Variants in AGPAT4 observed in about 807,000 individuals in gnomAD.
The protein encoded by AGPAT4 is 1-acyl-sn-glycerol-3-phosphate acyltransferase delta.
A neutral mutation model predicts 48.0 loss-of-function variants in AGPAT4; 15 were observed. The ratio of observed to expected loss-of-function variants is 0.31; its 90% confidence interval spans 0.21 to 0.48. AGPAT4 has a LOEUF of 0.48. AGPAT4 is among the 20% of genes least tolerant of loss of function. AGPAT4 has a pLI of 0.99. For missense variants in AGPAT4, 314 were observed against 482.5 expected, an observed-to-expected ratio of 0.65 and a Z score of 3.27; for synonymous variants, 178 against 198.7, an observed-to-expected ratio of 0.90 and a Z score of 0.88.
rs1162888264 is a variant in AGPAT4 at position 161,200,934 on chromosome 6, C to A, written c.178+31102G>T. The stretch of plus-strand genomic sequence containing the variant: ...CATTTTGGCTGGAGCTAAAACAACA[C>A]ATTTCAGCCTGGGGTCACTGCAAAG... On this transcript the variant is annotated intron_variant, in intron 2 of 8. Coordinates refer to ENST00000320285, the MANE Select transcript of AGPAT4 (RefSeq NM_020133.3). The surrounding 1 kb of genome is among the most constrained non-coding windows in gnomAD (Gnocchi z 5.5). 1.3e-5 allele frequency among the ~76,000 whole-genome samples: 2 copies of A among 152,200 alleles called. No homozygotes were observed. Among genetic ancestry groups the A allele is most frequent in the Non-Finnish European group, 2.9e-5 (2 of 68,040 alleles).
At position 161,254,625 on chromosome 6, in the gene AGPAT4, T is replaced by C. The variant is rs965200392; in HGVS notation, c.-90+19313A>G. Among the ~76,000 whole-genome samples the C allele has an allele frequency of 1.3e-5, 2 of 152,194 alleles. No individual in the cohort carries two copies. Among genetic ancestry groups the C allele is most frequent in the African/African-American group, 2.4e-5 (1 of 41,460 alleles). On this transcript the variant is annotated intron_variant, in intron 1 of 8. Coordinates refer to ENST00000320285, the MANE Select transcript of AGPAT4 (RefSeq NM_020133.3). The surrounding 1 kb of genome is among the most constrained non-coding windows in gnomAD (Gnocchi z 5.9). ...GGGAAATCGAGGAGAAAATGCCTTC[T>C]TACAAACCCTCCAGCTTCCATTCCA...
chr6:161,200,741 A>C lies in AGPAT4; in HGVS notation c.178+31295T>G, dbSNP rs1467280483. On this transcript the variant is annotated intron_variant, in intron 2 of 8. Transcript: ENST00000320285. The surrounding 1 kb of genome is among the most constrained non-coding windows in gnomAD (Gnocchi z 5.5). ...CATATTGGAATTCAAATGAGGCTCC[A>C]TCTGTTCCTGAAGCCATACGGTCCA... 6.6e-6 allele frequency among the ~76,000 whole-genome samples: 1 copy of C among 152,220 alleles called. No individual in the cohort carries two copies. Among genetic ancestry groups the C allele is most frequent in the East Asian group, 1.9e-4 (1 of 5,196 alleles).
chr6:161,237,766 G>A (rs995479463), intron 1 of AGPAT4, among the ~76,000 whole-genome samples: 22 of 151,964 alleles, frequency 1.4e-4, no homozygotes, highest in Non-Finnish European at 2.1e-4. Flanking sequence ...TTTTTACGAC[G>A]AGAATGAAAT....
chr6:161,270,944 G>A lies in AGPAT4; in HGVS notation c.-90+2994C>T, dbSNP rs568624789. ...GCAGGAATTATGAAGATGACATTCCGGGTAAGTTCCTGGTTGCGTCTTCCC... is the reference window on the plus strand; with the variant it reads ...GCAGGAATTATGAAGATGACATTCCAGGTAAGTTCCTGGTTGCGTCTTCCC... On this transcript the variant is annotated intron_variant, in intron 1 of 8. Coordinates refer to ENST00000320285, the MANE Select transcript of AGPAT4 (RefSeq NM_020133.3). This position sits in a 1 kb window ranked among gnomAD's most constrained non-coding sequence, Gnocchi z 5.3. Among the ~76,000 whole-genome samples the A allele has an allele frequency of 2.0e-5, 3 of 152,238 alleles. No homozygotes were observed. Among genetic ancestry groups the A allele is most frequent in the East Asian group, 1.9e-4 (1 of 5,176 alleles).
At chr6:161,203,940 C>CTTTATG (rs1197310960) in intron 2 of AGPAT4, among the ~76,000 whole-genome samples, 1 of 152,154 alleles carries the variant, frequency 6.6e-6, no homozygotes, top group Non-Finnish European at 1.5e-5. Context: ...ATCAGGGACT[C>CTTTATG]TTTATGATGC....
rs982964347 is a variant in AGPAT4 at position 161,131,625 on chromosome 6, C to G, written c.*4915G>C. The G allele has an allele frequency of 6.6e-6, 1 of 152,192 alleles. No homozygotes were observed. Among genetic ancestry groups the G allele is most frequent in the Non-Finnish European group, 1.5e-5 (1 of 68,044 alleles). The allele number at this position is 152,192 out of a possible 1,614,324, so 9.4% of individuals were successfully genotyped here. On this transcript the variant is annotated 3_prime_UTR_variant, in exon 9 of 9. Transcript: ENST00000320285. Reference sequence around the variant, plus strand: ...GGGCTGTGAGCTCAGGAGCCCATCCCTGTGCTCAGAGAGATGGGACTCCAA... The same window carrying G: ...GGGCTGTGAGCTCAGGAGCCCATCCGTGTGCTCAGAGAGATGGGACTCCAA...
intron 1 of AGPAT4, among the ~76,000 whole-genome samples, chr6:161,253,904 C>A (rs1162913578): frequency 6.6e-6 from 1 of 152,126 alleles, no homozygotes; most frequent in Non-Finnish European, 1.5e-5. Flanking sequence ...TCACATTACT[C>A]CCAATTTGTT....
chr6:161,227,398 C>T (rs892503256), intron 2 of AGPAT4, among the ~76,000 whole-genome samples: 1 of 152,208 alleles, frequency 6.6e-6, no homozygotes, highest in African/African-American at 2.4e-5. Context: ...AGATGGAAGA[C>T]CTGACTGCCT....
intron 2 of AGPAT4, among the ~76,000 whole-genome samples, chr6:161,199,998 A>T (rs1781182179): frequency 6.6e-6 from 1 of 152,168 alleles, no homozygotes. Flanking sequence ...AGGCTCCCAG[A>T]GGCACAGACT....
At position 161,171,799 on chromosome 6, in the gene AGPAT4, C is replaced by G. The variant is rs1241177871; in HGVS notation, c.179-5382G>C. ...CCTGTAGTCCCAGCTACTCGGGAGT[C>G]TGAGGCAGGAGAATGGCATGAACCC... is the stretch of plus-strand genomic sequence containing the variant. On this transcript the variant is annotated intron_variant, in intron 2 of 8. Coordinates refer to ENST00000320285, the MANE Select transcript of AGPAT4 (RefSeq NM_020133.3). The surrounding 1 kb of genome is among the most constrained non-coding windows in gnomAD (Gnocchi z 4.4). Among the ~76,000 whole-genome samples the G allele has an allele frequency of 1.3e-5, 2 of 152,032 alleles. No individual in the cohort carries two copies. Among genetic ancestry groups the G allele is most frequent in the African/African-American group, 2.4e-5 (1 of 41,374 alleles).
At chr6:161,207,691 C>T (rs1368321134) in intron 2 of AGPAT4, among the ~76,000 whole-genome samples, 1 of 152,050 alleles carries the variant, frequency 6.6e-6, no homozygotes, top group Non-Finnish European at 1.5e-5. Context: ...AAGCGATATT[C>T]CTTTGATAAT....
chr6:161,271,191 C>T (rs1409528275), intron 1 of AGPAT4, among the ~76,000 whole-genome samples: 1 of 150,856 alleles, frequency 6.6e-6, no homozygotes, highest in Non-Finnish European at 1.5e-5. Flanking sequence ...ACTGACTTCT[C>T]CCTTCTTGGA....
In AGPAT4 at chr6:161,191,171, G is replaced by A. The variant is rs9458147; in HGVS notation, c.179-24754C>T. Among the ~76,000 whole-genome samples, 749 of 152,202 alleles carry A rather than the reference G, an allele frequency of 4.9e-3. 7 individuals are homozygous for A. The highest frequency in any genetic ancestry group is 0.017 in the African/African-American group (704 of 41,516). Reference sequence around the variant, plus strand: ...TTACAAACATTATCTATGTAACAACGCAGTTAGCATACACTTGACAGACGA... The same window carrying A: ...TTACAAACATTATCTATGTAACAACACAGTTAGCATACACTTGACAGACGA... On this transcript the variant is annotated intron_variant, in intron 2 of 8. Transcript: ENST00000320285.
chr6:161,156,803 G>A (rs907782019), intron 3 of AGPAT4, among the ~76,000 whole-genome samples: 7 of 152,216 alleles, frequency 4.6e-5, no homozygotes, highest in South Asian at 2.1e-4. Context: ...TGCCCAGGGC[G>A]GAAAACCGCT....
chr6:161,131,973 G>A lies in AGPAT4; in HGVS notation c.*4567C>T, dbSNP rs1778915236. On this transcript the variant is annotated 3_prime_UTR_variant, in exon 9 of 9. Coordinates refer to ENST00000320285, the MANE Select transcript of AGPAT4 (RefSeq NM_020133.3). ...CTCAACCTAAGCCCTGGATGCAGGA[G>A]GCAGGGATGCTGAGGATGTGAATTA... is the stretch of plus-strand genomic sequence containing the variant. 2.0e-5 allele frequency: 3 copies of A among 152,408 alleles called. No homozygotes were observed. Among genetic ancestry groups the A allele is most frequent in the Admixed American group, 1.3e-4 (2 of 15,288 alleles). The allele number at this position is 152,408 out of a possible 1,614,324, so 9.4% of individuals were successfully genotyped here. A position where few individuals can be genotyped will look rare whatever the true frequency, so the allele number is the denominator to read the frequency against.
At position 161,148,481 on chromosome 6, in the gene AGPAT4, G is replaced by T. The variant is rs574526832; in HGVS notation, c.767+706C>A. Among the ~76,000 whole-genome samples, 3 of 152,170 alleles carry T rather than the reference G, an allele frequency of 2.0e-5. No individual in the cohort carries two copies. Among genetic ancestry groups the T allele is most frequent in the African/African-American group, 7.2e-5 (3 of 41,438 alleles). ...GCTTCTGTAAGGTCTTGAATCAGAA[G>T]GTTATACGCCCCTGGATTAGTTCTC... On this transcript the variant is annotated intron_variant, in intron 6 of 8. Coordinates refer to ENST00000320285, the MANE Select transcript of AGPAT4 (RefSeq NM_020133.3). This position sits in a 1 kb window ranked among gnomAD's most constrained non-coding sequence, Gnocchi z 5.5.
In AGPAT4 at chr6:161,146,416, C is replaced by T; in HGVS notation, c.843+108G>A. The T allele has an allele frequency of 1.0e-6, 1 of 1,002,514 alleles. No homozygotes were observed. Among genetic ancestry groups the T allele is most frequent in the Admixed American group, 2.2e-5 (1 of 46,254 alleles). 62.1% of individuals were successfully genotyped at this position (1,002,514 alleles called of 1,614,324 possible). ...CAGCTCCAGACTCACTAATAACTGG[C>T]TCTGTGAGATCTCGCCCACCGGAGA... On this transcript the variant is annotated intron_variant, in intron 7 of 8. Coordinates refer to ENST00000320285, the MANE Select transcript of AGPAT4 (RefSeq NM_020133.3). This position sits in a 1 kb window ranked among gnomAD's most constrained non-coding sequence, Gnocchi z 7.1.
chr6:161,183,233 C>T (rs758080979), intron 2 of AGPAT4, among the ~76,000 whole-genome samples: 38 of 152,202 alleles, frequency 2.5e-4, no homozygotes, highest in Non-Finnish European at 4.7e-4. Context: ...CTGCTGACAC[C>T]CAGGGCTGCA....
At position 161,238,830 on chromosome 6, in the gene AGPAT4, C is replaced by T. The variant is rs563790405; in HGVS notation, c.-89-6528G>A. Among the ~76,000 whole-genome samples, 36 of 152,112 alleles carry T rather than the reference C, an allele frequency of 2.4e-4. No individual in the cohort carries two copies. The highest frequency in any genetic ancestry group is 4.4e-4 in the Non-Finnish European group (30 of 68,020). On this transcript the variant is annotated intron_variant, in intron 1 of 8. Coordinates refer to ENST00000320285, the MANE Select transcript of AGPAT4 (RefSeq NM_020133.3). This position sits in a 1 kb window ranked among gnomAD's most constrained non-coding sequence, Gnocchi z 5.2. ...TGATGGTTTCATAAGGGGCTTTTCA[C>T]CCTTTTGCTTGGTGCTTCTCCTTCC...
Sources: allele counts gnomAD v4.1 joint callset (sites outside exome capture counted in the v4.1 genomes callset), GRCh38; gene constraint gnomAD v4.1.1; non-coding constraint Gnocchi (gnomAD v3.1); transcripts MANE v1.5; gene names NCBI Gene and HGNC (gene_info 2026-07-23, HGNC 2026-07-21).